CRISPLD2: variants seen among roughly 807,000 people sequenced by gnomAD.
The protein encoded by CRISPLD2 is cysteine rich secretory protein LCCL domain containing 2, also known as cysteine-rich secretory protein LCCL domain-containing 2.
CRISPLD2 carries 47 observed loss-of-function variants against 71.1 expected under a neutral mutation model. That is an observed-to-expected ratio of 0.66 (90% CI 0.52 to 0.84). The LOEUF (loss-of-function observed/expected upper bound fraction) is 0.84. Among genes scored for constraint, CRISPLD2 ranks in the 40% least tolerant of loss-of-function variants. The probability of loss-of-function intolerance (pLI) is 0.00; values close to 1 mark genes in which losing one functional copy is unlikely to be tolerated. For synonymous variants in CRISPLD2, 317 were observed against 250.1 expected (o/e 1.27, Z -2.52); for missense variants, 830 against 651.1 (o/e 1.27, Z -2.99).
At chr16:84,874,096 C>A in intron 11 of CRISPLD2, 133 bp downstream of exon 11, 3 of 838,480 alleles carry the variant, frequency 3.6e-6, no homozygotes, top group South Asian at 1.8e-5. Context: ...CATTGTCAAG[C>A]CTTTTTCAAG....
In CRISPLD2 at chr16:84,849,443, T is replaced by C. The variant is rs368401038; in HGVS notation, c.418T>C (p.Tyr140His). 1.2e-6 allele frequency: 2 copies of C among 1,614,146 alleles called. No individual in the cohort carries two copies. Among genetic ancestry groups the C allele is most frequent in the Non-Finnish European group, 1.7e-6 (2 of 1,179,984 alleles). Residue 140 changes from tyrosine to histidine, a missense_variant, in exon 4 of 15, where the codon TAC (tyrosine) becomes CAC (histidine). Coordinates refer to ENST00000262424, the MANE Select transcript of CRISPLD2 (RefSeq NM_031476.4). ...GTATGACGAGGTGAAGGACTACACC[T>C]ACCCCTACCCGAGCGAGTGCAACCC... ...SWYDEVKDYT[Y>H]PYPSECNPWC...
chr16:84,885,632 A>G (rs2071606102), intron 13 of CRISPLD2, among the ~76,000 whole-genome samples: 2 of 152,200 alleles, frequency 1.3e-5, no homozygotes, highest in East Asian at 1.9e-4. Context: ...AGATGAAGAC[A>G]TGTTAGCACA....
chr16:84,855,131 C>A (rs577043937), intron 6 of CRISPLD2, among the ~76,000 whole-genome samples: 1 of 152,082 alleles, frequency 6.6e-6, no homozygotes, highest in Non-Finnish European at 1.5e-5. Flanking sequence ...TGCTCACCCT[C>A]GTTAGCATTC....
At chr16:84,874,859 G>C (rs988692315) in intron 11 of CRISPLD2, among the ~76,000 whole-genome samples, 6 of 152,136 alleles carry the variant, frequency 3.9e-5, no homozygotes, top group Admixed American at 2.6e-4. Flanking sequence ...CATATTCAAA[G>C]TATGTACATT....
chr16:84,824,977 A>G (rs569242769), intron 1 of CRISPLD2, among the ~76,000 whole-genome samples: 67 of 151,946 alleles, frequency 4.4e-4, no homozygotes, highest in South Asian at 1.2e-3. Context: ...GGTGGCAGGC[A>G]CCTGTAGTCC....
At chr16:84,903,080 A>C (rs1014403260) in intron 14 of CRISPLD2, among the ~76,000 whole-genome samples, 1 of 151,964 alleles carries the variant, frequency 6.6e-6, no homozygotes, top group Admixed American at 6.6e-5. Context: ...AAACCAGCCC[A>C]TTTCTAAGTT....
At chr16:84,835,470 C>T (rs940038557) in intron 1 of CRISPLD2, among the ~76,000 whole-genome samples, 2 of 152,142 alleles carry the variant, frequency 1.3e-5, no homozygotes, top group Non-Finnish European at 2.9e-5. Flanking sequence ...GGAGCCTCAT[C>T]CCCTCCCAAG....
At chr16:84,857,089 C>T (rs1776913947) in intron 6 of CRISPLD2, among the ~76,000 whole-genome samples, 1 of 152,204 alleles carries the variant, frequency 6.6e-6, no homozygotes, top group African/African-American at 2.4e-5. Context: ...GGAATGGTGC[C>T]ATATCGAGGG....
At position 84,883,064 on chromosome 16, in the gene CRISPLD2, T is replaced by C. The variant is rs1028798932; in HGVS notation, c.1305+2480T>C. ...GACAGGGCTTGACAGACAATCATTG[T>C]TTGTTGGAGGAATAAATAAATGAAG... On this transcript the variant is annotated intron_variant, in intron 13 of 14. Transcript: ENST00000262424. Among the ~76,000 whole-genome samples the C allele has an allele frequency of 2.6e-5, 4 of 152,184 alleles. No individual in the cohort carries two copies. In the Middle Eastern group the frequency reaches 0.01, roughly 388 times the overall value.
At chr16:84,883,116 G>A (rs538455142) in intron 13 of CRISPLD2, among the ~76,000 whole-genome samples, 2 of 152,238 alleles carry the variant, frequency 1.3e-5, no homozygotes, top group South Asian at 2.1e-4. Flanking sequence ...TACTTAAGTA[G>A]CTCTTCAAAA....
At chr16:84,885,321 G>A (rs1565779) in intron 13 of CRISPLD2, among the ~76,000 whole-genome samples, 3,699 of 152,292 alleles carry the variant, frequency 0.024, 157 homozygotes, top group African/African-American at 0.084. Context: ...AAGTCTCCTC[G>A]CTTCTCTTTG....
At chr16:84,849,293 C>T in intron 3 of CRISPLD2, 92 bp from the exon 4 acceptor site, 1 of 1,307,204 alleles carries the variant, frequency 7.6e-7, no homozygotes, top group Non-Finnish European at 1.1e-6. Context: ...CCTCCTCGGC[C>T]TCCCTCCCTC....
intron 14 of CRISPLD2, among the ~76,000 whole-genome samples, chr16:84,904,594 A>AC (rs1567708913): frequency 6.7e-6 from 1 of 149,552 alleles, no homozygotes. Flanking sequence ...AAAAAAAGGT[A>AC]AAAAAAAAAA....
rs1479568588 is a variant in CRISPLD2, at chr16:84,872,979, C to G, written c.982-13C>G. ...GAGAATGTGCCTCTGGTCTTCTCTT[C>G]CCTTCCCGCCAGTCGTCTAGCATAT... On this transcript the variant is annotated splice_polypyrimidine_tract_variant and intron_variant, in intron 9 of 14. Transcript: ENST00000262424. 6.2e-7 allele frequency: 1 copy of G among 1,600,904 alleles called. No homozygotes were observed. The highest frequency in any genetic ancestry group is 1.3e-5 in the African/African-American group (1 of 74,200).
chr16:84,897,719 T>C (rs2646124), intron 14 of CRISPLD2, among the ~76,000 whole-genome samples: 93,657 of 151,956 alleles, frequency 0.62, 29,516 homozygotes, highest in East Asian at 0.87. Context: ...CAGGTTCAAG[T>C]GATTCTCATG....
chr16:84,849,312 C>T (rs950067163), intron 3 of CRISPLD2, 73 bp from the exon 4 acceptor site: 2 of 1,446,334 alleles, frequency 1.4e-6, no homozygotes, highest in African/African-American at 2.8e-5. Flanking sequence ...TCCTACCTGC[C>T]CGTGGCTGCT....
Position 84,889,467 on chromosome 16 carries a change from C to T in CRISPLD2, c.1439+104C>T, listed in dbSNP as rs2071642292. 10 of 1,251,646 alleles carry T rather than the reference C, an allele frequency of 8.0e-6. No homozygotes were observed. The Admixed American group carries it at 1.1e-4, about 14-fold the overall frequency. The allele number at this position is 1,251,646 out of a possible 1,614,324, so 77.5% of individuals were successfully genotyped here. A position where few individuals can be genotyped will look rare whatever the true frequency, so the allele number is the denominator to read the frequency against. On this transcript the variant is annotated intron_variant, in intron 14 of 14. Transcript: ENST00000262424. ...AGTCATTACCCTTTAAAATAAAACTCGGGTAGACTTGCACGAATTCTTACC... is the reference window on the plus strand; with the variant it reads ...AGTCATTACCCTTTAAAATAAAACTTGGGTAGACTTGCACGAATTCTTACC...
At chr16:84,873,821 C>T in intron 10 of CRISPLD2, 99 bp from the exon 11 acceptor site, 3 of 1,126,330 alleles carry the variant, frequency 2.7e-6, no homozygotes, top group Non-Finnish European at 3.8e-6. Flanking sequence ...GAAGTCGAGA[C>T]TGCAAATAAG....
At chr16:84,881,772 G>T (rs535773168) in intron 13 of CRISPLD2, among the ~76,000 whole-genome samples, 1 of 151,968 alleles carries the variant, frequency 6.6e-6, no homozygotes, top group Admixed American at 6.6e-5. Context: ...CACTGCACCC[G>T]GCCTCCAGAT....
Sources: allele counts gnomAD v4.1 joint callset (sites outside exome capture counted in the v4.1 genomes callset), GRCh38; gene constraint gnomAD v4.1.1; transcripts MANE v1.5; gene names NCBI Gene and HGNC (gene_info 2026-07-23, HGNC 2026-07-21).